Variants in ANKRD18A observed in about 807,000 individuals in gnomAD.
ANKRD18A encodes ankyrin repeat domain 18A, also known as ankyrin repeat domain-containing protein 18A.
Under a neutral mutation model 110.6 loss-of-function variants are expected in ANKRD18A, and 72 were observed. The observed-to-expected ratio is 0.65, with a 90% CI of 0.54 to 0.79. ANKRD18A has a LOEUF of 0.79. Ranked by LOEUF, ANKRD18A falls within the 30% of genes least tolerant of loss-of-function variation. The pLI is 0.00. For missense variants in ANKRD18A, 934 were observed against 1,163.3 expected (o/e 0.80, Z 2.87); for synonymous variants, 305 against 410.3 (o/e 0.74, Z 3.10).
downstream of ANKRD18A, chr9:38,571,034 A>T: frequency 7.4e-7 from 1 of 1,347,960 alleles, no homozygotes; most frequent in Non-Finnish European, 9.6e-7. Context: ...CTGCAGGGAG[A>T]CTAATCAAGA....
chr9:38,611,452 C>T, intron 3 of ANKRD18A, 131 bp from the exon 4 acceptor site: 2 of 1,447,664 alleles, frequency 1.4e-6, no homozygotes, highest in Non-Finnish European at 9.1e-7. Flanking sequence ...GCAGTCCCGT[C>T]CCTTTCACTC....
chr9:38,602,602 C>CA (rs1297714255), intron 7 of ANKRD18A, among the ~76,000 whole-genome samples: 1 of 152,136 alleles, frequency 6.6e-6, no homozygotes, highest in Non-Finnish European at 1.5e-5. Context: ...TTTAAAAAAG[C>CA]AAAACAAATT....
At chr9:38,619,840 G>A (rs931652627) in intron 1 of ANKRD18A, among the ~76,000 whole-genome samples, 1 of 152,198 alleles carries the variant, frequency 6.6e-6, no homozygotes, top group Non-Finnish European at 1.5e-5. Context: ...TCCCTATCAT[G>A]TATATGGCCC....
chr9:38,566,184 T>C, the ANKRD18A span: 1 of 152,280 alleles, frequency 6.6e-6, no homozygotes, highest in African/African-American at 2.4e-5. Flanking sequence ...TCTTGTCCTT[T>C]TCACATTGCA....
chr9:38,566,739 A>G (rs1046873814), downstream of ANKRD18A: 10 of 152,210 alleles, frequency 6.6e-5, no homozygotes, highest in Non-Finnish European at 8.8e-5. Context: ...AAATCTTTCA[A>G]TCTTTGTGCA....
At chr9:38,599,514 G>C (rs1191704802) in intron 8 of ANKRD18A, among the ~76,000 whole-genome samples, 1 of 151,880 alleles carries the variant, frequency 6.6e-6, no homozygotes, top group Non-Finnish European at 1.5e-5. Context: ...GCCCAGGCTG[G>C]AGTGCAATGG....
chr9:38,614,677 A>T (rs1053162417), intron 3 of ANKRD18A, among the ~76,000 whole-genome samples: 1 of 152,120 alleles, frequency 6.6e-6, no homozygotes, highest in African/African-American at 2.4e-5. Flanking sequence ...GGAGTATGAG[A>T]TAGAGTTATG....
At chr9:38,572,889 A>G (rs991907284) in intron 15 of ANKRD18A, 32 of 288,852 alleles carry the variant, frequency 1.1e-4, no homozygotes, top group African/African-American at 5.9e-4. Context: ...GCTATGGAAC[A>G]TGATGAATTA....
chr9:38,568,623 C>A (rs543387232), downstream of ANKRD18A: 18 of 734,178 alleles, frequency 2.5e-5, no homozygotes, highest in African/African-American at 3.1e-4. Context: ...CCAGGCACAC[C>A]CTTGCAGAGG....
At chr9:38,570,284 C>T (rs141563146), downstream of ANKRD18A, among the ~76,000 whole-genome samples, 1,319 of 152,164 alleles carry the variant, frequency 8.7e-3, 21 homozygotes, top group South Asian at 0.042. Context: ...CAGGTTGCTG[C>T]TCACCTCACC....
Position 38,603,142 on chromosome 9 carries a change from G to C in ANKRD18A, c.862+17C>G, listed in dbSNP as rs1445832071. The C allele has an allele frequency of 1.4e-5, 22 of 1,527,284 alleles. No homozygotes were observed. The highest frequency in any genetic ancestry group is 1.8e-5 in the Non-Finnish European group (21 of 1,141,182). The allele number at this position is 1,527,284 out of a possible 1,614,324, so 94.6% of individuals were successfully genotyped here. A position where few individuals can be genotyped will look rare whatever the true frequency, so the allele number is the denominator to read the frequency against. On this transcript the variant is annotated intron_variant, in intron 7 of 15. Coordinates refer to ENST00000399703, the MANE Select transcript of ANKRD18A (RefSeq NM_147195.4). ...GTCTCTTTACATGGTTAGGAGTAGA[G>C]AACTCAAGTGTCTTACCTTTTGCAC...
rs1270083697 is a variant in ANKRD18A, at chr9:38,578,050, T to C, written c.2346A>G (p.Arg782=). ...GTTTTTCACATTTCTCTTGTACATT[T>C]CTCATAGATAATAACTCCTGATGAA... ...EVLHQELLSM[R]NVQEKCEKLE... The change falls in exon 13 of 16, where the codon AGA becomes AGG. Residue 782 remains arginine (R), a synonymous_variant. Coordinates refer to ENST00000399703, the MANE Select transcript of ANKRD18A (RefSeq NM_147195.4). The C allele has an allele frequency of 6.4e-7, 1 of 1,551,508 alleles. No individual in the cohort carries two copies. The highest frequency in any genetic ancestry group is 1.4e-5 in the African/African-American group (1 of 73,138).
chr9:38,601,259 T>C lies in ANKRD18A; in HGVS notation c.863-55A>G, dbSNP rs188531409. 2.0e-4 allele frequency: 283 copies of C among 1,446,230 alleles called. 1 individual carries two copies. In the East Asian group the frequency reaches 4.8e-3, roughly 24 times the overall value. 89.6% of individuals were successfully genotyped at this position (1,446,230 alleles called of 1,614,324 possible). On this transcript the variant is annotated intron_variant, in intron 7 of 15. Transcript: ENST00000399703. ...AATGATTTAAAGACTATAATCTTTA[T>C]AAAAATTGATACAGAACAACACACA... is the stretch of plus-strand genomic sequence containing the variant.
At chr9:38,614,467 C>A (rs1393624519) in intron 3 of ANKRD18A, among the ~76,000 whole-genome samples, 1 of 152,010 alleles carries the variant, frequency 6.6e-6, no homozygotes, top group Non-Finnish European at 1.5e-5. Flanking sequence ...TATTTTTAAC[C>A]ATACATGTTC....
intron 8 of ANKRD18A, among the ~76,000 whole-genome samples, chr9:38,597,378 AAACTGCTGAGTTTCT>A (rs1563967614): frequency 6.6e-6 from 1 of 152,180 alleles, no homozygotes; most frequent in Non-Finnish European, 1.5e-5. Flanking sequence ...GAGCCGAGTG[AAACTGCTGAGTTTCT>A]AGTGTGGAAT....
chr9:38,582,013 A>T (rs1824184747), intron 12 of ANKRD18A, among the ~76,000 whole-genome samples: 1 of 152,236 alleles, frequency 6.6e-6, no homozygotes. Flanking sequence ...CCACAGTGTT[A>T]CACAAGAGAA....
At chr9:38,584,654 C>A (rs1036740734) in intron 12 of ANKRD18A, among the ~76,000 whole-genome samples, 4 of 152,046 alleles carry the variant, frequency 2.6e-5, no homozygotes, top group Non-Finnish European at 5.9e-5. Context: ...GGGTTCAAGA[C>A]ATAAGAGAAT....
intron 13 of ANKRD18A, 112 bp downstream of exon 13, chr9:38,577,755 A>G: frequency 8.1e-7 from 1 of 1,235,674 alleles, no homozygotes; most frequent in South Asian, 1.8e-5. Flanking sequence ...TACGAAGGAA[A>G]TTGCTGTAAG....
chr9:38,611,697 G>A (rs1039513682), intron 3 of ANKRD18A, among the ~76,000 whole-genome samples: 45 of 152,080 alleles, frequency 3.0e-4, no homozygotes, highest in Non-Finnish European at 5.7e-4. Flanking sequence ...ACATAGTAGC[G>A]AATGCTTTAA....
Sources: gnomAD v4.1 joint callset for allele counts (sites outside exome capture counted in the v4.1 genomes callset) on GRCh38, gnomAD v4.1.1 for gene constraint, MANE v1.5 for transcripts, NCBI Gene and HGNC (gene_info 2026-07-23, HGNC 2026-07-21) for gene names.